Variants in GDA observed in about 807,000 individuals in gnomAD.
GDA encodes guanine deaminase, also known as cytoplasmic PSD-95 interactor.
GDA carries 18 observed loss-of-function variants against 59.6 expected under a neutral mutation model. The observed-to-expected ratio is 0.30, with a 90% CI of 0.21 to 0.45. The LOEUF is 0.45. GDA is among the 20% of genes least tolerant of loss of function. The pLI, the probability that GDA is intolerant of heterozygous loss-of-function variation, is 1.00. For missense variants in GDA, 427 were observed against 552.3 expected (o/e 0.77, Z 2.27); for synonymous variants, 201 against 201.1 (o/e 1.00, Z 0.00).
At chr9:72,212,675 C>T (rs183695955) in intron 4 of GDA, among the ~76,000 whole-genome samples, 91 of 152,192 alleles carry the variant, frequency 6.0e-4, no homozygotes, top group Non-Finnish European at 9.7e-4. Context: ...CCAAATCTTT[C>T]CAATTCCAGT....
chr9:72,180,417 T>C (rs1050830161), intron 1 of GDA, among the ~76,000 whole-genome samples: 4 of 152,032 alleles, frequency 2.6e-5, no homozygotes, highest in African/African-American at 7.2e-5. Flanking sequence ...TACTTTTGTG[T>C]GTGCCTGCAT....
intron 1 of GDA, among the ~76,000 whole-genome samples, chr9:72,151,970 G>C (rs1338884154): frequency 2.6e-5 from 4 of 152,104 alleles, no homozygotes; most frequent in African/African-American, 9.7e-5. Context: ...GAAATATCTA[G>C]GGGTGCTTGA....
intron 1 of GDA, among the ~76,000 whole-genome samples, chr9:72,120,120 T>C (rs929208256): frequency 1.3e-5 from 2 of 152,064 alleles, no homozygotes; most frequent in African/African-American, 4.8e-5. Context: ...AGTGCACTTA[T>C]CAATAGGATT....
rs1234179607 is a variant in GDA at position 72,248,700 on chromosome 9, A to T, written c.*358A>T. 2.0e-6 allele frequency: 2 copies of T among 1,021,132 alleles called. No homozygotes were observed. Among genetic ancestry groups the T allele is most frequent in the Admixed American group, 1.0e-4 (2 of 19,682 alleles). 63.3% of individuals were successfully genotyped at this position (1,021,132 alleles called of 1,614,324 possible). A position where few individuals can be genotyped will look rare whatever the true frequency, so the allele number is the denominator to read the frequency against. On this transcript the variant is annotated 3_prime_UTR_variant, in exon 14 of 14. Transcript: ENST00000358399. ...AGAAAAGATGTTCCTAAAAGGTTAG[A>T]TATTTTGAGCTAATAATTGCAAAAA...
intron 5 of GDA, among the ~76,000 whole-genome samples, chr9:72,218,828 C>T (rs2131536252): frequency 6.6e-6 from 1 of 152,306 alleles, no homozygotes; most frequent in East Asian, 1.9e-4. Context: ...ACTCTAACAA[C>T]CGTAGAGCAT....
intron 6 of GDA, 84 bp downstream of exon 6, chr9:72,219,590 C>G: frequency 2.2e-6 from 2 of 903,556 alleles, no homozygotes; most frequent in South Asian, 1.5e-5. Context: ...AGTGATTAGT[C>G]TGTGTACGAC....
chr9:72,133,308 A>ATAATAATAAT lies in GDA; in HGVS notation c.-100+18475_-100+18476insTAATAATAAT, dbSNP rs1554722432. Among the ~76,000 whole-genome samples the ATAATAATAAT allele has an allele frequency of 6.9e-5, 7 of 101,554 alleles. No individual in the cohort carries two copies. The South Asian group carries it at 1.0e-3, about 15-fold the overall frequency. 66.6% of individuals were successfully genotyped at this position (101,554 alleles called of 152,430 possible). ...TGTCTAAAAAAAAAAAAAAAAAAAAAAATAATAATAATAATAATAATAATT... is the reference window on the plus strand; with the variant it reads ...TGTCTAAAAAAAAAAAAAAAAAAAAATAATAATAATAATAATAATAATAATAATAATAATT... On this transcript the variant is annotated intron_variant, in intron 1 of 13. Coordinates refer to the GDA transcript ENST00000545168.
In GDA at chr9:72,250,048, T is replaced by A; in HGVS notation, c.*1706T>A. ...AGATAAGTATCTTAGTAAACCCAAT[T>A]TCCAGTCTTAGTCTGTATTTCCAAT... On this transcript the variant is annotated 3_prime_UTR_variant, in exon 14 of 14. Transcript: ENST00000358399. 1.0e-6 allele frequency: 1 copy of A among 973,028 alleles called. No homozygotes were observed. Among genetic ancestry groups the A allele is most frequent in the African/African-American group, 1.8e-5 (1 of 57,102 alleles). 60.3% of individuals were successfully genotyped at this position (973,028 alleles called of 1,614,324 possible).
At chr9:72,221,415 T>A (rs1028861590) in intron 6 of GDA, among the ~76,000 whole-genome samples, 3 of 152,186 alleles carry the variant, frequency 2.0e-5, no homozygotes, top group Non-Finnish European at 4.4e-5. Flanking sequence ...TTCTCCACTT[T>A]GAGCTGTTTT....
intron 1 of GDA, among the ~76,000 whole-genome samples, chr9:72,186,148 AAAAGCAGTAGCCCCATGAAG>A (rs1831836703): frequency 6.6e-6 from 1 of 152,196 alleles, no homozygotes; most frequent in African/African-American, 2.4e-5. Flanking sequence ...CTTGGGATGA[AAAAGCAGTAGCCCCATGAAG>A]AAAGCATCAA....
chr9:72,191,105 C>A (rs551638403), intron 1 of GDA, among the ~76,000 whole-genome samples: 1 of 152,170 alleles, frequency 6.6e-6, no homozygotes, highest in East Asian at 1.9e-4. Flanking sequence ...TCAAAAATAT[C>A]TTTAATGATC....
Position 72,247,405 on chromosome 9 carries a change from GGCT to G in GDA, c.1268_1270del (p.Ala423del), listed in dbSNP as rs1840265001. ...CTTATTACTTTTATTTTCCATTTTA[GGCT>G]GTTATCCAGAAGTTCCTCTATCTAG... is the stretch of plus-strand genomic sequence containing the variant. On this transcript the variant is annotated inframe_deletion and splice_region_variant, in exon 13 of 14. Coordinates refer to ENST00000358399, the MANE Select transcript of GDA (RefSeq NM_004293.5). 8 of 1,478,318 alleles carry G rather than the reference GGCT, an allele frequency of 5.4e-6. No homozygotes were observed. Among genetic ancestry groups the G allele is most frequent in the Non-Finnish European group, 7.6e-6 (8 of 1,056,762 alleles). The allele number at this position is 1,478,318 out of a possible 1,614,324, so 91.6% of individuals were successfully genotyped here. A position where few individuals can be genotyped will look rare whatever the true frequency, so the allele number is the denominator to read the frequency against.
At chr9:72,225,581 C>A in intron 7 of GDA, 96 bp from the exon 8 acceptor site, 1 of 653,264 alleles carries the variant, frequency 1.5e-6, no homozygotes, top group Non-Finnish European at 2.7e-6. Context: ...CTTAAATAGG[C>A]AAGTAGAAAA....
chr9:72,211,237 C>A (rs555791008), intron 4 of GDA, among the ~76,000 whole-genome samples: 21 of 152,154 alleles, frequency 1.4e-4, no homozygotes, highest in Non-Finnish European at 2.8e-4. Flanking sequence ...AGACAGAATA[C>A]CTACACCATT....
At chr9:72,183,561 G>A (rs1411749036) in intron 1 of GDA, among the ~76,000 whole-genome samples, 2 of 152,312 alleles carry the variant, frequency 1.3e-5, no homozygotes, top group South Asian at 2.1e-4. Flanking sequence ...AATACATAAC[G>A]TAGTGTCTAA....
At chr9:72,255,636 C>T (rs138365650), downstream of GDA, among the ~76,000 whole-genome samples, 218 of 152,266 alleles carry the variant, frequency 1.4e-3, no homozygotes, top group African/African-American at 5.0e-3. Flanking sequence ...TGGCAACTTA[C>T]GTATTTTGGA....
intron 1 of GDA, among the ~76,000 whole-genome samples, chr9:72,177,092 C>CTTT (rs58433062): frequency 1.4e-3 from 96 of 67,796 alleles, no homozygotes; most frequent in African/African-American, 1.9e-3. Context: ...TTATAAACTG[C>CTTT]TTTTTTTTTT....
intron 10 of GDA, among the ~76,000 whole-genome samples, chr9:72,237,884 T>C (rs1449902722): frequency 6.6e-6 from 1 of 152,078 alleles, no homozygotes; most frequent in Non-Finnish European, 1.5e-5. Context: ...CCCTCATTGG[T>C]CACTACCACC....
intron 1 of GDA, among the ~76,000 whole-genome samples, chr9:72,127,201 TTC>T (rs1390722905): frequency 2.6e-5 from 4 of 152,148 alleles, no homozygotes; most frequent in Non-Finnish European, 4.4e-5. Context: ...AGAAATTATA[TTC>T]TGTTTTTAAA....
Sources: gnomAD v4.1 joint callset for allele counts (sites outside exome capture counted in the v4.1 genomes callset) on GRCh38, gnomAD v4.1.1 for gene constraint, MANE v1.5 for transcripts, NCBI Gene and HGNC (gene_info 2026-07-23, HGNC 2026-07-21) for gene names.